DCC: variants seen among roughly 807,000 people sequenced by gnomAD.
DCC encodes netrin receptor DCC.
Under a neutral mutation model 172.5 loss-of-function variants are expected in DCC, and 58 were observed. That is an observed-to-expected ratio of 0.34 (90% CI 0.27 to 0.42). The LOEUF (loss-of-function observed/expected upper bound fraction) is 0.42. Among genes scored for constraint, DCC ranks in the 10% least tolerant of loss-of-function variants. DCC has a pLI of 1.00. For synonymous variants in DCC, 709 were observed against 644.5 expected (o/e 1.10, Z -1.52); for missense variants, 1,740 against 1,791.0 (o/e 0.97, Z 0.51).
intron 7 of DCC, among the ~76,000 whole-genome samples, chr18:53,119,272 G>A (rs576308133): frequency 6.1e-4 from 93 of 151,866 alleles, no homozygotes; most frequent in African/African-American, 2.1e-3. Context: ...CTTTGGTCTT[G>A]TCCTTATTTT....
intron 1 of DCC, among the ~76,000 whole-genome samples, chr18:52,695,551 G>A (rs1422490569): frequency 1.3e-5 from 2 of 152,170 alleles, no homozygotes; most frequent in African/African-American, 4.8e-5. Flanking sequence ...CATGATTTAT[G>A]TTTATGTTCA....
intron 5 of DCC, among the ~76,000 whole-genome samples, chr18:52,946,273 C>T (rs1439994748): frequency 6.6e-6 from 1 of 152,112 alleles, no homozygotes; most frequent in Non-Finnish European, 1.5e-5. Flanking sequence ...CCTATTAATC[C>T]ATCTCTGTAA....
chr18:53,377,991 G>A (rs62098047), intron 15 of DCC, among the ~76,000 whole-genome samples: 45,198 of 151,822 alleles, frequency 0.3, 8,630 homozygotes, highest in Non-Finnish European at 0.44. Context: ...TTTTTAAGAC[G>A]GGGTCTGGCT....
At chr18:53,400,592 A>G (rs1455664321) in intron 18 of DCC, among the ~76,000 whole-genome samples, 2 of 152,120 alleles carry the variant, frequency 1.3e-5, no homozygotes, top group Admixed American at 6.6e-5. Context: ...TGTGAGGGCC[A>G]TATTATTTTT....
chr18:52,875,447 C>G (rs1414548598), intron 2 of DCC, among the ~76,000 whole-genome samples: 1 of 152,032 alleles, frequency 6.6e-6, no homozygotes, highest in Non-Finnish European at 1.5e-5. Flanking sequence ...ATGTGAAATG[C>G]AAACACTGAA....
At chr18:53,208,954 C>G (rs1462289596) in intron 11 of DCC, among the ~76,000 whole-genome samples, 1 of 152,174 alleles carries the variant, frequency 6.6e-6, no homozygotes, top group Non-Finnish European at 1.5e-5. Flanking sequence ...TGGTCTGGAA[C>G]TCCTGACCTC....
chr18:52,707,989 G>A (rs1377606419), intron 1 of DCC, among the ~76,000 whole-genome samples: 3 of 152,174 alleles, frequency 2.0e-5, no homozygotes, highest in Non-Finnish European at 4.4e-5. Context: ...AAATAGCTAA[G>A]AGGGTAGATT....
chr18:52,570,081 A>G (rs1372946859), intron 1 of DCC, among the ~76,000 whole-genome samples: 1 of 152,206 alleles, frequency 6.6e-6, no homozygotes, highest in Non-Finnish European at 1.5e-5. Flanking sequence ...TCAGTTATAT[A>G]TAGACACATT....
intron 5 of DCC, among the ~76,000 whole-genome samples, chr18:52,979,220 C>G (rs899531709): frequency 2.6e-5 from 4 of 152,074 alleles, no homozygotes; most frequent in African/African-American, 9.7e-5. Context: ...GATGGAGGTA[C>G]AGGAGATTAG....
intron 25 of DCC, among the ~76,000 whole-genome samples, chr18:53,471,337 T>G (rs1159570909): frequency 6.6e-6 from 1 of 152,230 alleles, no homozygotes; most frequent in African/African-American, 2.4e-5. Context: ...TATTTTTAAA[T>G]GTACAATTAA....
intron 2 of DCC, among the ~76,000 whole-genome samples, chr18:52,878,406 G>T (rs976106271): frequency 2.6e-5 from 4 of 151,754 alleles, no homozygotes; most frequent in Non-Finnish European, 5.9e-5. Flanking sequence ...TACTAACCTT[G>T]AAAGACTTTA....
intron 5 of DCC, among the ~76,000 whole-genome samples, chr18:53,052,551 T>C (rs1040364328): frequency 1.3e-5 from 2 of 152,142 alleles, no homozygotes; most frequent in South Asian, 4.1e-4. Flanking sequence ...GACTTACTTG[T>C]CATCCTTCTT....
chr18:53,110,056 A>AT (rs1478363646), intron 7 of DCC, among the ~76,000 whole-genome samples: 1 of 151,622 alleles, frequency 6.6e-6, no homozygotes, highest in Non-Finnish European at 1.5e-5. Flanking sequence ...AATGAAAACC[A>AT]TTTTTTCTTT....
At chr18:52,607,408 G>T (rs577034140) in intron 1 of DCC, among the ~76,000 whole-genome samples, 13 of 152,258 alleles carry the variant, frequency 8.5e-5, no homozygotes, top group Admixed American at 4.6e-4. Context: ...ACCACTTAAA[G>T]ATGGGATTTT....
chr18:52,631,364 G>A (rs1378679712), intron 1 of DCC, among the ~76,000 whole-genome samples: 1 of 152,178 alleles, frequency 6.6e-6, no homozygotes, highest in East Asian at 1.9e-4. Flanking sequence ...GAAATAAAAT[G>A]GGATATTTCA....
At chr18:53,455,156 C>A (rs2145158034) in intron 23 of DCC, among the ~76,000 whole-genome samples, 1 of 152,272 alleles carries the variant, frequency 6.6e-6, no homozygotes. Flanking sequence ...AAGACTTCCC[C>A]CAAACCCCTG....
intron 5 of DCC, among the ~76,000 whole-genome samples, chr18:53,003,073 C>A (rs2041590859): frequency 6.6e-6 from 1 of 152,054 alleles, no homozygotes; most frequent in Admixed American, 6.6e-5. Flanking sequence ...TGGTAATGTG[C>A]TGAAAACAAA....
intron 1 of DCC, among the ~76,000 whole-genome samples, chr18:52,430,373 C>T (rs1223553706): frequency 6.7e-6 from 1 of 148,266 alleles, no homozygotes; most frequent in African/African-American, 2.5e-5. Context: ...GATGTGAATG[C>T]AACATACTTT....
chr18:53,431,215 G>A (rs1023696907), intron 21 of DCC, among the ~76,000 whole-genome samples: 2 of 150,698 alleles, frequency 1.3e-5, no homozygotes, highest in African/African-American at 2.4e-5. Flanking sequence ...CCATTTCCTG[G>A]TTCCAAAATC....
Sources: gnomAD v4.1 joint callset for allele counts (sites outside exome capture counted in the v4.1 genomes callset) on GRCh38, gnomAD v4.1.1 for gene constraint, MANE v1.5 for transcripts, NCBI Gene and HGNC (gene_info 2026-07-23, HGNC 2026-07-21) for gene names.